The following RIMS1 variants were observed in gnomAD, a reference collection of about 807,000 sequenced individuals.
RIMS1 encodes the protein regulating synaptic membrane exocytosis 1, also known as regulating synaptic membrane exocytosis protein 1.
In RIMS1, 83 loss-of-function variants were observed where a neutral mutation model predicts 214.1. The observed-to-expected ratio is 0.39, with a 90% confidence interval of 0.32 to 0.47. The LOEUF is 0.47. Among genes scored for constraint, RIMS1 ranks in the 20% least tolerant of loss-of-function variants. The pLI is 0.99. For missense variants in RIMS1, 2,050 were observed against 2,161.8 expected (o/e 0.95, Z 1.03); for synonymous variants, 793 against 786.8 (o/e 1.01, Z -0.13).
chr6:71,985,484 A>G (rs1401469223), intron 2 of RIMS1, among the ~76,000 whole-genome samples: 1 of 152,174 alleles, frequency 6.6e-6, no homozygotes, highest in Non-Finnish European at 1.5e-5. Flanking sequence ...GTCACGGTCC[A>G]TGCTCTTGAG....
At chr6:72,159,730 T>C (rs2045032164) in intron 4 of RIMS1, among the ~76,000 whole-genome samples, 1 of 140,176 alleles carries the variant, frequency 7.1e-6, no homozygotes, top group Non-Finnish European at 1.6e-5. Context: ...GAGGGCTCTG[T>C]TCTGTTCCAT....
At chr6:72,278,152 A>ATCT (rs1554419029) in intron 23 of RIMS1, among the ~76,000 whole-genome samples, 17,978 of 128,268 alleles carry the variant, frequency 0.14, 1,206 homozygotes, top group East Asian at 0.21. Flanking sequence ...AATGGTTTTT[A>ATCT]ATCTATCTAT....
At chr6:71,889,262 A>T (rs1405082361) in intron 1 of RIMS1, among the ~76,000 whole-genome samples, 1 of 152,128 alleles carries the variant, frequency 6.6e-6, no homozygotes, top group Non-Finnish European at 1.5e-5. Flanking sequence ...GGAGTGGGTG[A>T]GTTTTAGGAC....
At chr6:72,263,432 G>T (rs1444819730) in intron 19 of RIMS1, 4 of 975,416 alleles carry the variant, frequency 4.1e-6, no homozygotes, top group African/African-American at 1.8e-5. Flanking sequence ...CAGGCTTGGA[G>T]ACTTAATCGA....
At chr6:72,336,996 AT>A (rs2154347622) in intron 29 of RIMS1, among the ~76,000 whole-genome samples, 1 of 151,852 alleles carries the variant, frequency 6.6e-6, no homozygotes, top group South Asian at 2.1e-4. Context: ...ATATTACTTA[AT>A]TTTAATCTCC....
chr6:72,317,907 C>G (rs1033785904), intron 28 of RIMS1, among the ~76,000 whole-genome samples: 1 of 152,076 alleles, frequency 6.6e-6, no homozygotes, highest in African/African-American at 2.4e-5. Flanking sequence ...TATGAGATTA[C>G]TTAATTAGGT....
chr6:72,089,072 T>C (rs1364846895), intron 2 of RIMS1, among the ~76,000 whole-genome samples: 2 of 152,090 alleles, frequency 1.3e-5, no homozygotes, highest in Non-Finnish European at 2.9e-5. Context: ...CAATTTGACA[T>C]AGATTAGAGG....
At chr6:72,231,056 T>C (rs1206679596) in intron 6 of RIMS1, among the ~76,000 whole-genome samples, 3 of 151,676 alleles carry the variant, frequency 2.0e-5, no homozygotes, top group Non-Finnish European at 4.4e-5. Context: ...ATATCTTTAA[T>C]CAACTATTAG....
At position 71,937,631 on chromosome 6, in the gene RIMS1, C is replaced by T. The variant is rs117185936; in HGVS notation, c.165-31352C>T. 3.4e-4 allele frequency among the ~76,000 whole-genome samples: 51 copies of T among 152,164 alleles called. No homozygotes were observed. The East Asian group carries it at 9.9e-3, about 29-fold the overall frequency. On this transcript the variant is annotated intron_variant, in intron 1 of 33. Coordinates refer to ENST00000521978, the MANE Select transcript of RIMS1 (RefSeq NM_014989.7). ...CATCATAACATGACAGAAGGCATCA[C>T]ATGGTGAGAGAGGGTGAGAGTACAT...
intron 26 of RIMS1, among the ~76,000 whole-genome samples, chr6:72,300,895 T>G (rs2094540963): frequency 6.6e-6 from 1 of 151,746 alleles, no homozygotes; most frequent in African/African-American, 2.4e-5. Context: ...CTTGTGGTTT[T>G]GGCTGCAGTG....
chr6:72,363,800 A>G (rs1353865246), intron 29 of RIMS1, among the ~76,000 whole-genome samples: 1 of 152,256 alleles, frequency 6.6e-6, no homozygotes, highest in Non-Finnish European at 1.5e-5. Flanking sequence ...TCAGGCATCA[A>G]CCAACTGGTT....
At chr6:71,938,697 C>G (rs911537123) in intron 1 of RIMS1, among the ~76,000 whole-genome samples, 1 of 152,126 alleles carries the variant, frequency 6.6e-6, no homozygotes, top group Non-Finnish European at 1.5e-5. Context: ...CTGAAACATT[C>G]CTGCCTTCCT....
chr6:71,979,409 A>G (rs2151462438), intron 2 of RIMS1, among the ~76,000 whole-genome samples: 1 of 152,202 alleles, frequency 6.6e-6, no homozygotes, highest in East Asian at 1.9e-4. Context: ...ACCCAGCAGG[A>G]CAGGGGAAGA....
chr6:71,973,246 A>G (rs1406158394), intron 2 of RIMS1, among the ~76,000 whole-genome samples: 1 of 152,186 alleles, frequency 6.6e-6, no homozygotes, highest in Non-Finnish European at 1.5e-5. Context: ...TTTAGTAGGT[A>G]TGTAAATTTA....
At chr6:72,194,368 A>G (rs2496514) in intron 6 of RIMS1, among the ~76,000 whole-genome samples, 77,666 of 151,872 alleles carry the variant, frequency 0.51, 21,622 homozygotes, top group East Asian at 0.83. Flanking sequence ...GGCATATGGT[A>G]ACTACTTAAT....
chr6:72,105,810 G>A (rs1184428325), intron 4 of RIMS1, among the ~76,000 whole-genome samples: 1 of 152,076 alleles, frequency 6.6e-6, no homozygotes, highest in Non-Finnish European at 1.5e-5. Context: ...TAGTAATTCA[G>A]CCAGCACCCC....
intron 29 of RIMS1, among the ~76,000 whole-genome samples, chr6:72,376,652 TG>T (rs2098389431): frequency 6.7e-6 from 1 of 150,154 alleles, no homozygotes; most frequent in Non-Finnish European, 1.5e-5. Context: ...GAGACTAAGG[TG>T]GAAGGATGAC....
intron 2 of RIMS1, among the ~76,000 whole-genome samples, chr6:72,023,413 A>G (rs928047831): frequency 6.6e-6 from 1 of 152,112 alleles, no homozygotes; most frequent in Admixed American, 6.6e-5. Context: ...TTGTTACAAT[A>G]TTTTGTAGTT....
chr6:72,038,154 A>T (rs1402285746), intron 2 of RIMS1, among the ~76,000 whole-genome samples: 2 of 99,454 alleles, frequency 2.0e-5, no homozygotes, highest in East Asian at 3.5e-4. Context: ...TATATATATA[A>T]AATCTATGTA....
Sources: gnomAD v4.1 joint callset for allele counts (sites outside exome capture counted in the v4.1 genomes callset) on GRCh38, gnomAD v4.1.1 for gene constraint, MANE v1.5 for transcripts, NCBI Gene and HGNC (gene_info 2026-07-23, HGNC 2026-07-21) for gene names.